XRCC2: variants seen among roughly 807,000 people sequenced by gnomAD.
The protein encoded by XRCC2 is DNA repair protein XRCC2.
In XRCC2, 24 loss-of-function variants were observed where a neutral mutation model predicts 27.3. The observed-to-expected ratio is 0.88, with a 90% CI of 0.64 to 1.24. The LOEUF (loss-of-function observed/expected upper bound fraction) is 1.24. Ranked by LOEUF, XRCC2 falls within the 50% of genes most tolerant of loss-of-function variation. The pLI is 0.00. For missense variants in XRCC2, 321 were observed against 325.8 expected (o/e 0.99, Z 0.11); for synonymous variants, 106 against 115.4 (o/e 0.92, Z 0.52).
chr7:152,659,675 T>C (rs1370368027), intron 2 of XRCC2, among the ~76,000 whole-genome samples: 2 of 152,212 alleles, frequency 1.3e-5, no homozygotes, highest in African/African-American at 4.8e-5. Flanking sequence ...AATATGGGAA[T>C]TGCTGGCAAT....
rs2098027059 is a variant in XRCC2, at chr7:152,648,632, A to G, written c.*10T>C. 6.3e-7 allele frequency: 1 copy of G among 1,579,128 alleles called. No homozygotes were observed. The highest frequency in any genetic ancestry group is 8.6e-7 in the Non-Finnish European group (1 of 1,166,632). On this transcript the variant is annotated 3_prime_UTR_variant, in exon 3 of 3. Transcript: ENST00000359321. ...GTAGTACCCTGCAAAAGACTATTTTATGATGTATATCAACAAAATTCAACC... is the reference window on the plus strand; with the variant it reads ...GTAGTACCCTGCAAAAGACTATTTTGTGATGTATATCAACAAAATTCAACC...
intron 1 of XRCC2, among the ~76,000 whole-genome samples, chr7:152,674,259 A>G (rs2098039382): frequency 1.3e-5 from 2 of 152,150 alleles, no homozygotes; most frequent in Admixed American, 6.6e-5. Flanking sequence ...TTTTTTGGAT[A>G]CAAGGCTTGT....
chr7:152,661,573 A>G (rs1431877456), intron 1 of XRCC2, among the ~76,000 whole-genome samples: 1 of 152,148 alleles, frequency 6.6e-6, no homozygotes, highest in East Asian at 1.9e-4. Context: ...CTGCTAACAG[A>G]AACAGGAGCA....
chr7:152,660,630 A>G, intron 2 of XRCC2, 71 bp downstream of exon 2: 8 of 1,296,824 alleles, frequency 6.2e-6, no homozygotes, highest in Non-Finnish European at 8.7e-6. Flanking sequence ...GTATGTGTAT[A>G]CATGTGAGCT....
chr7:152,650,202 A>G (rs2098027932), intron 2 of XRCC2, among the ~76,000 whole-genome samples: 1 of 152,254 alleles, frequency 6.6e-6, no homozygotes, highest in African/African-American at 2.4e-5. Flanking sequence ...GCAAGAGCCC[A>G]TGGCTCTCAG....
chr7:152,668,027 C>CAAA (rs59503175), intron 1 of XRCC2, among the ~76,000 whole-genome samples: 7 of 105,662 alleles, frequency 6.6e-5, no homozygotes, highest in African/African-American at 2.1e-4. Flanking sequence ...GACTCCATCT[C>CAAA]AAAAAAAAAA....
At chr7:152,654,708 G>A (rs972678187) in intron 2 of XRCC2, among the ~76,000 whole-genome samples, 1 of 151,982 alleles carries the variant, frequency 6.6e-6, no homozygotes, top group Admixed American at 6.6e-5. Flanking sequence ...GTGGATTCCC[G>A]ACGAGTGAAA....
intron 1 of XRCC2, among the ~76,000 whole-genome samples, chr7:152,669,783 C>A (rs1222846938): frequency 6.6e-6 from 1 of 151,654 alleles, no homozygotes; most frequent in East Asian, 2.0e-4. Context: ...ATGTAGCCAA[C>A]ACAGTTGCTG....
chr7:152,658,748 C>A (rs868425587), intron 2 of XRCC2, among the ~76,000 whole-genome samples: 32 of 152,330 alleles, frequency 2.1e-4, no homozygotes, highest in Non-Finnish European at 2.4e-4. Context: ...CGTTGTAGCA[C>A]GTGACAGAAT....
chr7:152,656,657 T>C (rs2098030813), intron 2 of XRCC2, among the ~76,000 whole-genome samples: 2 of 152,360 alleles, frequency 1.3e-5, no homozygotes, highest in South Asian at 4.1e-4. Flanking sequence ...TAATATAATA[T>C]TCTAATGTAG....
At chr7:152,651,569 TTACA>T (rs747190226) in intron 2 of XRCC2, among the ~76,000 whole-genome samples, 59 of 152,208 alleles carry the variant, frequency 3.9e-4, no homozygotes, top group South Asian at 8.3e-4. Flanking sequence ...CACCATAATC[TTACA>T]TACAACTTGC....
Position 152,674,690 on chromosome 7 carries a change from T to TTTTTAAATATATATATAATATATA in XRCC2, c.39+1350_39+1351insTATATATTATATATATATTTAAAA, listed in dbSNP as rs2098039588. 4.8e-5 allele frequency among the ~76,000 whole-genome samples: 6 copies of TTTTTAAATATATATATAATATATA among 123,728 alleles called. 2 individuals carry two copies. The highest frequency in any genetic ancestry group is 2.0e-4 in the African/African-American group (6 of 30,442). 81.2% of individuals were successfully genotyped at this position (123,728 alleles called of 152,430 possible). ...CTATATAATCTATATTATAAATATA[T>TTTTTAAATATATATATAATATATA]TTTTAAATATATATTTATATAATAT... On this transcript the variant is annotated intron_variant, in intron 1 of 2. Transcript: ENST00000359321.
chr7:152,662,612 G>A (rs1256197252), intron 1 of XRCC2, among the ~76,000 whole-genome samples: 17 of 111,578 alleles, frequency 1.5e-4, no homozygotes, highest in African/African-American at 6.0e-4. Flanking sequence ...TCGCTCTGTC[G>A]CCCAGGCTGG....
At chr7:152,670,662 G>A (rs528651299) in intron 1 of XRCC2, among the ~76,000 whole-genome samples, 12 of 151,928 alleles carry the variant, frequency 7.9e-5, no homozygotes, top group African/African-American at 2.7e-4. Flanking sequence ...GCAGTGGTGT[G>A]ATCTCAGCTC....
intron 1 of XRCC2, among the ~76,000 whole-genome samples, chr7:152,665,837 T>A (rs966368712): frequency 6.6e-6 from 1 of 152,196 alleles, no homozygotes; most frequent in African/African-American, 2.4e-5. Flanking sequence ...AAACTACTAC[T>A]TGTCAAGCTT....
intron 1 of XRCC2, among the ~76,000 whole-genome samples, chr7:152,673,801 G>C (rs3218391): frequency 6.6e-6 from 1 of 152,180 alleles, no homozygotes; most frequent in East Asian, 1.9e-4. Context: ...GCTGGAACCC[G>C]GGAGGCAGAG....
Position 152,663,581 on chromosome 7 carries a change from G to A in XRCC2, c.40-2799C>T, listed in dbSNP as rs183016691. Among the ~76,000 whole-genome samples the A allele has an allele frequency of 1.5e-4, 23 of 152,258 alleles. No individual in the cohort carries two copies. The East Asian group carries it at 4.2e-3, about 28-fold the overall frequency. On this transcript the variant is annotated intron_variant, in intron 1 of 2. Transcript: ENST00000359321. The stretch of plus-strand genomic sequence containing the variant: ...GGGCCGGGCACAGTGGCTCGCGCCT[G>A]TAATCCTAGTCCCTCGGGAGGACAA...
intron 1 of XRCC2, among the ~76,000 whole-genome samples, chr7:152,669,932 G>C (rs973905759): frequency 6.8e-6 from 1 of 147,432 alleles, no homozygotes; most frequent in Non-Finnish European, 1.5e-5. Flanking sequence ...CAGTCAAAAG[G>C]CTGTAAAAAA....
At chr7:152,657,234 TAA>T (rs79757667) in intron 2 of XRCC2, among the ~76,000 whole-genome samples, 5 of 138,492 alleles carry the variant, frequency 3.6e-5, no homozygotes, top group Non-Finnish European at 4.6e-5. Flanking sequence ...AGACTCCATC[TAA>T]AAAAAAAAAA....
Sources: allele counts gnomAD v4.1 joint callset (sites outside exome capture counted in the v4.1 genomes callset), GRCh38; gene constraint gnomAD v4.1.1; transcripts MANE v1.5; gene names NCBI Gene and HGNC (gene_info 2026-07-23, HGNC 2026-07-21).